The following PCDHA3 variants were observed in gnomAD, a reference collection of about 807,000 sequenced individuals.
PCDHA3 encodes protocadherin alpha 3.
A neutral mutation model predicts 62.2 loss-of-function variants in PCDHA3; 41 were observed. That is an observed-to-expected ratio of 0.66 (90% CI 0.51 to 0.86). PCDHA3 has a LOEUF of 0.86. PCDHA3 is among the 40% of genes least tolerant of loss of function. The pLI is 0.00. For missense variants in PCDHA3, 1,304 were observed against 1,241.2 expected (o/e 1.05, Z -0.76); for synonymous variants, 640 against 555.4 (o/e 1.15, Z -2.14).
intron 1 of PCDHA3, chr5:140,928,931 A>G: frequency 1.9e-6 from 3 of 1,614,150 alleles, no homozygotes; most frequent in Non-Finnish European, 2.5e-6. Flanking sequence ...CTTTCTGCCC[A>G]GAACTTGTAT....
At chr5:140,807,293 T>A (rs782145999) in intron 1 of PCDHA3, 1 of 1,614,084 alleles carries the variant, frequency 6.2e-7, no homozygotes, top group Non-Finnish European at 8.5e-7. Context: ...CTACTCGGTC[T>A]CCGAGGAGGC....
At chr5:140,841,890 A>G in intron 1 of PCDHA3, 1 of 1,613,830 alleles carries the variant, frequency 6.2e-7, no homozygotes, top group Non-Finnish European at 8.5e-7. Flanking sequence ...GATGAGAATA[A>G]ACTGGTTGAG....
chr5:140,982,741 T>C (rs2097000256), intron 3 of PCDHA3, among the ~76,000 whole-genome samples, 178 bp downstream of exon 3: 1 of 152,164 alleles, frequency 6.6e-6, no homozygotes, highest in Admixed American at 6.6e-5. Flanking sequence ...TACCTAATGC[T>C]CTTCAGGAGT....
intron 1 of PCDHA3, chr5:140,857,657 C>T (rs1207727837): frequency 1.9e-6 from 3 of 1,596,740 alleles, no homozygotes; most frequent in Non-Finnish European, 1.7e-6. Context: ...GGTGAGCGCG[C>T]GCGATGGGGG....
chr5:140,884,334 C>T (rs1405987385), intron 1 of PCDHA3: 1 of 1,613,746 alleles, frequency 6.2e-7, no homozygotes, highest in Non-Finnish European at 8.5e-7. Context: ...GCTGTGGGTC[C>T]AGAAGCGGCG....
chr5:140,847,046 G>A (rs1554141633), intron 1 of PCDHA3, among the ~76,000 whole-genome samples: 1 of 149,680 alleles, frequency 6.7e-6, no homozygotes, highest in Non-Finnish European at 1.5e-5. Flanking sequence ...AAGGAAAGTT[G>A]AAGACACAGA....
At chr5:140,805,026 A>C in intron 1 of PCDHA3, 6 of 1,579,022 alleles carry the variant, frequency 3.8e-6, no homozygotes, top group Non-Finnish European at 5.1e-6. Context: ...CTTCTTGAAT[A>C]TAATAGAGTC....
chr5:140,903,543 A>C (rs1309997907), intron 1 of PCDHA3, among the ~76,000 whole-genome samples: 2 of 152,206 alleles, frequency 1.3e-5, no homozygotes, highest in East Asian at 3.8e-4. Flanking sequence ...TAGAGCAAGA[A>C]ACTTTTCTAA....
intron 1 of PCDHA3, among the ~76,000 whole-genome samples, chr5:140,913,895 C>A (rs2076500910): frequency 6.6e-6 from 1 of 152,066 alleles, no homozygotes; most frequent in South Asian, 2.1e-4. Flanking sequence ...TTCCAAAATT[C>A]CCCTTTTTTA....
chr5:140,941,963 T>A (rs2093209364), intron 1 of PCDHA3, among the ~76,000 whole-genome samples: 1 of 152,230 alleles, frequency 6.6e-6, no homozygotes. Flanking sequence ...CAATAGTATC[T>A]TTACTTTCCC....
chr5:140,804,968 G>A, intron 1 of PCDHA3: 1 of 1,463,148 alleles, frequency 6.8e-7, no homozygotes, highest in Non-Finnish European at 9.1e-7. Context: ...AGTAGCCATA[G>A]TGTGTCCATC....
At chr5:140,827,980 C>G (rs1769474161) in intron 1 of PCDHA3, 2 of 1,413,840 alleles carry the variant, frequency 1.4e-6, no homozygotes, top group Non-Finnish European at 9.6e-7. Context: ...CATTCCCTGA[C>G]TGTTGAATGA....
intron 1 of PCDHA3, among the ~76,000 whole-genome samples, chr5:140,969,759 T>C (rs576118722): frequency 1.3e-5 from 2 of 152,338 alleles, no homozygotes; most frequent in African/African-American, 4.8e-5. Flanking sequence ...CTTAAAAAGC[T>C]CTGAGGCCTC....
At chr5:140,826,198 T>C (rs1464039359) in intron 1 of PCDHA3, among the ~76,000 whole-genome samples, 1 of 152,222 alleles carries the variant, frequency 6.6e-6, no homozygotes, top group Non-Finnish European at 1.5e-5. Flanking sequence ...TTAACAATGG[T>C]CACATTTTAA....
Position 140,830,236 on chromosome 5 carries a change from A to G in PCDHA3, c.2394+26645A>G, listed in dbSNP as rs148703931. On this transcript the variant is annotated intron_variant, in intron 1 of 3. Transcript: ENST00000522353. The stretch of plus-strand genomic sequence containing the variant: ...TATCCAGCCTGCTGGTCCTCACGCT[A>G]CTGCTGTACACAGCGCTGCGGTGCT... 2,313 of 1,613,834 alleles carry G rather than the reference A, an allele frequency of 1.4e-3. 31 individuals are homozygous for G. The African/African-American group carries it at 0.027, about 19-fold the overall frequency.
chr5:140,924,872 G>A (rs1161649938), intron 1 of PCDHA3, among the ~76,000 whole-genome samples: 2 of 149,350 alleles, frequency 1.3e-5, no homozygotes, highest in South Asian at 2.1e-4. Context: ...TCCAGCCTGG[G>A]TGACAGAGCA....
intron 1 of PCDHA3, among the ~76,000 whole-genome samples, chr5:140,888,097 G>T (rs536916138): frequency 3.3e-4 from 50 of 152,066 alleles, no homozygotes; most frequent in African/African-American, 1.2e-3. Context: ...TCCTTAGTTT[G>T]CTTCTTTTAA....
intron 1 of PCDHA3, chr5:140,926,823 G>C (rs1454618329): frequency 6.7e-7 from 1 of 1,496,998 alleles, no homozygotes; most frequent in Non-Finnish European, 8.9e-7. Context: ...TGCTCTCCAG[G>C]AGTCCGGAGC....
intron 1 of PCDHA3, chr5:140,823,650 G>A (rs2150127919): frequency 5.6e-6 from 9 of 1,613,996 alleles, no homozygotes; most frequent in South Asian, 1.1e-5. Context: ...GCGTGGGGCT[G>A]TACACAGGCG....
Sources: gnomAD v4.1 joint callset for allele counts (sites outside exome capture counted in the v4.1 genomes callset) on GRCh38, gnomAD v4.1.1 for gene constraint, MANE v1.5 for transcripts, NCBI Gene and HGNC (gene_info 2026-07-23, HGNC 2026-07-21) for gene names.